MACROD2: variants seen among roughly 807,000 people sequenced by gnomAD.
The protein encoded by MACROD2 is mono-ADP ribosylhydrolase 2, also known as ADP-ribose glycohydrolase MACROD2.
A neutral mutation model predicts 70.4 loss-of-function variants in MACROD2; 36 were observed. The observed-to-expected ratio is 0.51, with a 90% CI of 0.39 to 0.68. MACROD2 has a LOEUF of 0.68. Ranked by LOEUF, MACROD2 falls within the 30% of genes least tolerant of loss-of-function variation. The probability of loss-of-function intolerance (pLI) is 0.00; values close to 1 mark genes in which losing one functional copy is unlikely to be tolerated. For missense variants in MACROD2, 496 were observed against 538.4 expected, an observed-to-expected ratio of 0.92 and a Z score of 0.78; for synonymous variants, 172 against 178.8, an observed-to-expected ratio of 0.96 and a Z score of 0.30.
At chr20:15,134,505 T>C (rs2076131606) in intron 5 of MACROD2, among the ~76,000 whole-genome samples, 1 of 152,068 alleles carries the variant, frequency 6.6e-6, no homozygotes, top group Admixed American at 6.5e-5. Context: ...AATAAAGATG[T>C]TCTTTGAAAC....
intron 4 of MACROD2, among the ~76,000 whole-genome samples, chr20:14,536,513 G>C (rs372484122): frequency 3.3e-5 from 5 of 152,064 alleles, no homozygotes; most frequent in African/African-American, 1.2e-4. Flanking sequence ...TTATACATAA[G>C]TATTAACATG....
chr20:15,830,930 T>C (rs2064049311), intron 8 of MACROD2, among the ~76,000 whole-genome samples: 2 of 152,240 alleles, frequency 1.3e-5, no homozygotes, highest in Admixed American at 1.3e-4. Flanking sequence ...GTGATAGTCA[T>C]ATAGCATTCT....
At chr20:15,011,888 C>G (rs1186295522) in intron 5 of MACROD2, among the ~76,000 whole-genome samples, 1 of 152,122 alleles carries the variant, frequency 6.6e-6, no homozygotes, top group Non-Finnish European at 1.5e-5. Flanking sequence ...AATGAAGATG[C>G]ATTGAGCGCC....
At chr20:15,096,808 AT>A (rs11479076) in intron 5 of MACROD2, among the ~76,000 whole-genome samples, 25,989 of 93,448 alleles carry the variant, frequency 0.28, 2,293 homozygotes, top group African/African-American at 0.38. Flanking sequence ...CACTATGCTA[AT>A]TTTTTTTTTT....
At position 15,605,136 on chromosome 20, in the gene MACROD2, G is replaced by C. The variant is rs140824581; in HGVS notation, c.645+105289G>C. On this transcript the variant is annotated intron_variant, in intron 8 of 17. Coordinates refer to ENST00000684519, the MANE Select transcript of MACROD2 (RefSeq NM_001351661.2). ...ATATGTCGTTTCAGACCCTTACCAG[G>C]TCTCTTAAATCTTTTCACTTTCTTC... Among the ~76,000 whole-genome samples the C allele has an allele frequency of 2.1e-3, 315 of 152,174 alleles. 2 individuals carry two copies. Among genetic ancestry groups the C allele is most frequent in the African/African-American group, 6.9e-3 (287 of 41,542 alleles).
intron 5 of MACROD2, among the ~76,000 whole-genome samples, chr20:14,810,810 C>G (rs1285062487): frequency 6.6e-6 from 1 of 151,988 alleles, no homozygotes; most frequent in African/African-American, 2.4e-5. Flanking sequence ...AAACAGAGAG[C>G]CAATTCACGA....
At chr20:14,305,986 T>G (rs948371685) in intron 3 of MACROD2, among the ~76,000 whole-genome samples, 2 of 123,092 alleles carry the variant, frequency 1.6e-5, no homozygotes, top group Non-Finnish European at 3.6e-5. Context: ...AAAACTAACA[T>G]TCTCTCTTCT....
chr20:15,961,197 G>T (rs2066055719), intron 12 of MACROD2, among the ~76,000 whole-genome samples: 3 of 152,078 alleles, frequency 2.0e-5, no homozygotes, highest in Admixed American at 1.3e-4. Context: ...AGCACATGGG[G>T]GAATGGGGGC....
At chr20:16,045,633 A>G (rs905245098) in intron 17 of MACROD2, among the ~76,000 whole-genome samples, 1 of 152,014 alleles carries the variant, frequency 6.6e-6, no homozygotes, top group African/African-American at 2.4e-5. Flanking sequence ...CATTGCTCCT[A>G]TAAATCTTTA....
intron 8 of MACROD2, among the ~76,000 whole-genome samples, chr20:15,569,437 C>A (rs951849290): frequency 6.6e-6 from 1 of 152,032 alleles, no homozygotes; most frequent in African/African-American, 2.4e-5. Context: ...TTTAAGAATA[C>A]AATCTGTTGT....
chr20:14,457,006 T>C (rs1018263693), intron 3 of MACROD2, among the ~76,000 whole-genome samples: 1 of 152,074 alleles, frequency 6.6e-6, no homozygotes, highest in Non-Finnish European at 1.5e-5. Context: ...TTTGCAGCTA[T>C]TATGCTTGTC....
chr20:14,117,983 G>T (rs1167468872), intron 3 of MACROD2, among the ~76,000 whole-genome samples: 1 of 152,066 alleles, frequency 6.6e-6, no homozygotes, highest in Non-Finnish European at 1.5e-5. Flanking sequence ...ATCAGGATGG[G>T]TCTGACTCAC....
intron 5 of MACROD2, among the ~76,000 whole-genome samples, chr20:15,097,671 A>T (rs2075843993): frequency 6.6e-6 from 1 of 152,216 alleles, no homozygotes; most frequent in African/African-American, 2.4e-5. Flanking sequence ...GAACAAGTAC[A>T]ACAAAAATAT....
At chr20:15,868,162 G>A (rs2064520168) in intron 9 of MACROD2, among the ~76,000 whole-genome samples, 1 of 152,118 alleles carries the variant, frequency 6.6e-6, no homozygotes, top group Non-Finnish European at 1.5e-5. Flanking sequence ...TTTGGATTGG[G>A]GTTATTTTAC....
chr20:15,648,698 A>G (rs1259310880), intron 8 of MACROD2, among the ~76,000 whole-genome samples: 2 of 151,720 alleles, frequency 1.3e-5, no homozygotes, highest in Admixed American at 1.3e-4. Flanking sequence ...ATGAACAGGT[A>G]GATGGATGGG....
intron 8 of MACROD2, among the ~76,000 whole-genome samples, chr20:15,538,655 A>T (rs1443039209): frequency 1.3e-5 from 2 of 152,212 alleles, no homozygotes; most frequent in African/African-American, 4.8e-5. Flanking sequence ...AGGCCCATTT[A>T]AAAATATAAA....
chr20:14,231,916 C>T (rs1479963816), intron 3 of MACROD2, among the ~76,000 whole-genome samples: 1 of 152,088 alleles, frequency 6.6e-6, no homozygotes, highest in Non-Finnish European at 1.5e-5. Context: ...TTTCATGTGT[C>T]TTTTGGCTGC....
chr20:14,541,724 T>C (rs2085435603), intron 4 of MACROD2, among the ~76,000 whole-genome samples: 1 of 152,166 alleles, frequency 6.6e-6, no homozygotes, highest in Non-Finnish European at 1.5e-5. Context: ...TTATGTTTCC[T>C]GAGGAGAAAG....
At chr20:14,261,734 C>G (rs2082102929) in intron 3 of MACROD2, among the ~76,000 whole-genome samples, 1 of 65,532 alleles carries the variant, frequency 1.5e-5, no homozygotes, top group Admixed American at 1.8e-4. Flanking sequence ...GTGTCAGATA[C>G]TGACAGTACA....
Sources: allele counts gnomAD v4.1 joint callset (sites outside exome capture counted in the v4.1 genomes callset), GRCh38; gene constraint gnomAD v4.1.1; transcripts MANE v1.5; gene names NCBI Gene and HGNC (gene_info 2026-07-23, HGNC 2026-07-21).